RGS10: variants seen among roughly 807,000 people sequenced by gnomAD.
RGS10 encodes the protein regulator of G-protein signalling 10.
In RGS10, 11 loss-of-function variants were observed where a neutral mutation model predicts 23.5. That is an observed-to-expected ratio of 0.47 (90% confidence interval 0.29 to 0.77). The LOEUF is 0.77. RGS10 is among the 30% of genes least tolerant of loss of function. The pLI is 0.08. For synonymous variants in RGS10, 77 were observed against 83.2 expected (o/e 0.92, Z 0.41); for missense variants, 180 against 226.3 (o/e 0.80, Z 1.31).
intron 1 of RGS10, among the ~76,000 whole-genome samples, chr10:119,533,039 CAA>C (rs537478454): frequency 5.8e-5 from 6 of 103,682 alleles, no homozygotes; most frequent in Admixed American, 2.3e-4. Flanking sequence ...GACGCTGTCT[CAA>C]AAAAAAAAAA....
At position 119,538,372 on chromosome 10, in the gene RGS10, T is replaced by C. The variant is rs3808955; in HGVS notation, c.49+4218A>G. 0.85 allele frequency among the ~76,000 whole-genome samples: 129,782 copies of C among 152,214 alleles called. 55,529 individuals are homozygous for C. The highest frequency in any genetic ancestry group is 0.93 in the Middle Eastern group (272 of 294). On this transcript the variant is annotated intron_variant, in intron 1 of 4. Coordinates refer to ENST00000369103, the MANE Select transcript of RGS10 (RefSeq NM_001005339.2). This position sits in a 1 kb window ranked among gnomAD's most constrained non-coding sequence, Gnocchi z 4.5. ...GCCTCTGCAGCCCTTGAGGGAGAAA[T>C]GAAATGGTTCCCTCCTGCTCAGACA...
At chr10:119,503,894 C>G (rs989982753) in intron 4 of RGS10, among the ~76,000 whole-genome samples, 14 of 152,230 alleles carry the variant, frequency 9.2e-5, no homozygotes, top group African/African-American at 3.4e-4. Flanking sequence ...AAAGCCCTAT[C>G]TCCAAATAAA....
chr10:119,522,077 T>A (rs1324458213), intron 3 of RGS10, among the ~76,000 whole-genome samples: 5 of 152,154 alleles, frequency 3.3e-5, no homozygotes. Flanking sequence ...AATGCCTTCA[T>A]CCTACAAAGA....
chr10:119,526,003 G>T, intron 3 of RGS10, 29 bp downstream of exon 3: 1 of 1,328,138 alleles, frequency 7.5e-7, no homozygotes, highest in Non-Finnish European at 1.0e-6. Context: ...CTTTATAAGG[G>T]AAAAAAATTA....
intron 4 of RGS10, among the ~76,000 whole-genome samples, chr10:119,510,887 T>C (rs938334931): frequency 1.3e-5 from 2 of 151,694 alleles, no homozygotes; most frequent in African/African-American, 2.4e-5. Flanking sequence ...CTTGGCTAAT[T>C]TTTTGTATTT....
chr10:119,526,409 G>A (rs1198588908), intron 2 of RGS10, among the ~76,000 whole-genome samples: 1 of 152,188 alleles, frequency 6.6e-6, no homozygotes, highest in African/African-American at 2.4e-5. Flanking sequence ...AAATTAAAGT[G>A]GAAGATATAT....
chr10:119,509,101 A>C (rs1236097298), intron 4 of RGS10, among the ~76,000 whole-genome samples: 1 of 152,020 alleles, frequency 6.6e-6, no homozygotes, highest in Non-Finnish European at 1.5e-5. Context: ...ACCCAGTATA[A>C]AAAAAATTAA....
chr10:119,505,567 A>G (rs909780088), intron 4 of RGS10, among the ~76,000 whole-genome samples: 1 of 151,852 alleles, frequency 6.6e-6, no homozygotes, highest in African/African-American at 2.4e-5. Context: ...TCACCAAGCC[A>G]CCTCCTCTCC....
intron 4 of RGS10, among the ~76,000 whole-genome samples, chr10:119,506,990 T>G (rs560862026): frequency 6.6e-5 from 10 of 152,196 alleles, no homozygotes; most frequent in Admixed American, 5.2e-4. Flanking sequence ...TGAGCCACCA[T>G]GCCCAGCACC....
Position 119,515,321 on chromosome 10 carries a change from G to A in RGS10, c.399+188C>T, listed in dbSNP as rs908477677. ...AAACAGGCCTGGGGGGACTCCTGTG[G>A]GGCAAATCTCAAGCTTAGAATTCTG... On this transcript the variant is annotated intron_variant, in intron 4 of 4. Coordinates refer to ENST00000369103, the MANE Select transcript of RGS10 (RefSeq NM_001005339.2). 4.6e-6 allele frequency: 3 copies of A among 654,038 alleles called. No homozygotes were observed. In the African/African-American group the frequency reaches 5.5e-5, roughly 12 times the overall value. 40.5% of individuals were successfully genotyped at this position (654,038 alleles called of 1,614,324 possible).
At chr10:119,502,995 G>A (rs1431994054) in intron 4 of RGS10, among the ~76,000 whole-genome samples, 3 of 152,090 alleles carry the variant, frequency 2.0e-5, no homozygotes, top group South Asian at 2.1e-4. Context: ...GACTGCCACC[G>A]GCCAACGACC....
intron 1 of RGS10, among the ~76,000 whole-genome samples, chr10:119,530,089 T>C (rs2133958302): frequency 6.6e-6 from 1 of 152,334 alleles, no homozygotes; most frequent in South Asian, 2.1e-4. Flanking sequence ...AGACTCCATC[T>C]GATTAAATAA....
chr10:119,537,314 A>G (rs1378524292), intron 1 of RGS10, among the ~76,000 whole-genome samples: 1 of 151,224 alleles, frequency 6.6e-6, no homozygotes, highest in Non-Finnish European at 1.5e-5. Flanking sequence ...CCCCGGAGGT[A>G]GAGGTTGCCG....
At chr10:119,526,344 A>C (rs530967280) in intron 2 of RGS10, among the ~76,000 whole-genome samples, 3 of 152,346 alleles carry the variant, frequency 2.0e-5, no homozygotes, top group Non-Finnish European at 2.9e-5. Flanking sequence ...AGAAGAGTAC[A>C]AATGAAGCAG....
chr10:119,533,170 T>C (rs1409419379), intron 1 of RGS10, among the ~76,000 whole-genome samples: 1 of 150,760 alleles, frequency 6.6e-6, no homozygotes, highest in Non-Finnish European at 1.5e-5. Flanking sequence ...CTGGCCAACA[T>C]GGAATACAAA....
At chr10:119,522,327 T>C (rs1236923651) in intron 3 of RGS10, among the ~76,000 whole-genome samples, 1 of 140,620 alleles carries the variant, frequency 7.1e-6, no homozygotes, top group Non-Finnish European at 1.6e-5. Context: ...ACAGCCTTAG[T>C]TGATGGAGAG....
At chr10:119,541,583 C>T (rs1321694481) in intron 1 of RGS10, among the ~76,000 whole-genome samples, 1 of 152,116 alleles carries the variant, frequency 6.6e-6, no homozygotes, top group East Asian at 1.9e-4. Flanking sequence ...ACCACAATGT[C>T]CCTCATAAAA....
intron 1 of RGS10, among the ~76,000 whole-genome samples, chr10:119,535,271 G>GA (rs34636046): frequency 0.51 from 62,348 of 122,186 alleles, 16,353 homozygotes; most frequent in Non-Finnish European, 0.64. Context: ...AATCCATGCA[G>GA]AAAAAAAAAA....
At chr10:119,519,170 A>G (rs958458389) in intron 3 of RGS10, among the ~76,000 whole-genome samples, 4 of 152,158 alleles carry the variant, frequency 2.6e-5, no homozygotes, top group Non-Finnish European at 5.9e-5. Flanking sequence ...CTTCCTCTGG[A>G]GTGAGCTGGC....
Sources: allele counts gnomAD v4.1 joint callset (sites outside exome capture counted in the v4.1 genomes callset), GRCh38; gene constraint gnomAD v4.1.1; non-coding constraint Gnocchi (gnomAD v3.1); transcripts MANE v1.5; gene names NCBI Gene and HGNC (gene_info 2026-07-23, HGNC 2026-07-21).